Variants in OSBPL2 observed in about 807,000 individuals in gnomAD.
The protein encoded by OSBPL2 is oxysterol-binding protein-related protein 2.
In OSBPL2, 18 loss-of-function variants were observed where a neutral mutation model predicts 58.4. That is an observed-to-expected ratio of 0.31 (90% confidence interval 0.21 to 0.46). The LOEUF (loss-of-function observed/expected upper bound fraction) is 0.46, where lower values mean the gene tolerates loss of function less well. Ranked by LOEUF, OSBPL2 falls within the 20% of genes least tolerant of loss-of-function variation. The pLI, the probability that OSBPL2 is intolerant of heterozygous loss-of-function variation, is 1.00. For synonymous variants in OSBPL2, 221 were observed against 234.1 expected (o/e 0.94, Z 0.51); for missense variants, 461 against 616.5 (o/e 0.75, Z 2.67).
In OSBPL2 at chr20:62,284,038, A is replaced by C. The variant is rs779104381; in HGVS notation, c.873-8A>C. 6.2e-7 allele frequency: 1 copy of C among 1,608,882 alleles called. No individual in the cohort carries two copies. The highest frequency in any genetic ancestry group is 8.5e-7 in the Non-Finnish European group (1 of 1,176,418). On this transcript the variant is annotated splice_region_variant and splice_polypyrimidine_tract_variant and intron_variant, in intron 9 of 13. Coordinates refer to ENST00000313733, the MANE Select transcript of OSBPL2 (RefSeq NM_144498.4). ...AGACTTGTCTTTAAAAATCCCATTT[A>C]ATTACAGCAAAAAGAAGCTCTTTAT... is the stretch of plus-strand genomic sequence containing the variant.
Position 62,284,064 on chromosome 20 carries a change from G to T in OSBPL2, c.891G>T (p.Met297Ile). 6.2e-7 allele frequency: 1 copy of T among 1,613,602 alleles called. No individual in the cohort carries two copies. Among genetic ancestry groups the T allele is most frequent in the Non-Finnish European group, 8.5e-7 (1 of 1,179,712 alleles). The stretch of plus-strand genomic sequence containing the variant: ...ATTACAGCAAAAAGAAGCTCTTTAT[G>T]ATCTATGGCAAATGGACGGAATGTT... ...IQDKNKKKLF[M>I]IYGKWTECLW... The change falls in exon 10 of 14, where the codon ATG becomes ATT. Residue 297 changes from methionine (M) to isoleucine (I), a missense_variant. Met to Ile is a conservative substitution (Grantham distance 10). Around this residue, in one of 5 missense-constraint regions of OSBPL2, gnomAD observed 319 missense variants for 419.2 expected, o/e 0.76. Transcript: ENST00000313733.
At chr20:62,244,555 G>A (rs1018969731) in intron 1 of OSBPL2, among the ~76,000 whole-genome samples, 1 of 152,256 alleles carries the variant, frequency 6.6e-6, no homozygotes, top group Admixed American at 6.5e-5. Flanking sequence ...GGAGAAGGTT[G>A]ATTAAAACAC....
intron 1 of OSBPL2, among the ~76,000 whole-genome samples, chr20:62,239,507 G>A (rs1248307166): frequency 2.0e-5 from 3 of 152,168 alleles, no homozygotes; most frequent in African/African-American, 7.2e-5. Flanking sequence ...TATCTGAACC[G>A]TCCTCTAGGA....
In OSBPL2 at chr20:62,288,575, A is replaced by G. The variant is rs1253935738; in HGVS notation, c.1126-632A>G. Reference sequence around the variant, plus strand: ...TGCAGAGGCCGGAGGCTGTGGGTGCAGAGGCTGGGAGGCTGTGGGTGCAGA... The same window carrying G: ...TGCAGAGGCCGGAGGCTGTGGGTGCGGAGGCTGGGAGGCTGTGGGTGCAGA... On this transcript the variant is annotated intron_variant, in intron 11 of 13. Coordinates refer to ENST00000313733, the MANE Select transcript of OSBPL2 (RefSeq NM_144498.4). This position sits in a 1 kb window ranked among gnomAD's most constrained non-coding sequence, Gnocchi z 4.8. Among the ~76,000 whole-genome samples the G allele has an allele frequency of 1.3e-5, 2 of 150,214 alleles. No individual in the cohort carries two copies. Among genetic ancestry groups the G allele is most frequent in the Non-Finnish European group, 1.5e-5 (1 of 67,644 alleles).
At chr20:62,280,672 C>T (rs1982722639) in intron 7 of OSBPL2, among the ~76,000 whole-genome samples, 1 of 152,178 alleles carries the variant, frequency 6.6e-6, no homozygotes. Flanking sequence ...ACCCTGCACC[C>T]CTCCACAGCC....
chr20:62,260,013 T>G lies in OSBPL2; in HGVS notation c.70T>G (p.Ser24Ala). ...TTCTGATAACTCTTCTGGGGAATTT[T>G]CAGAGGCAAATCAGAAAGTCACGGG... ...FDSDNSSGEF[S>A]EANQKVTGMI... Residue 24 changes from serine (S) to alanine (A), a missense_variant, in exon 3 of 14, where the codon TCA (serine) becomes GCA (alanine). By Grantham distance (99) the Ser-to-Ala change is moderately conservative. Coordinates refer to ENST00000313733, the MANE Select transcript of OSBPL2 (RefSeq NM_144498.4). 1 of 1,614,108 alleles carries G rather than the reference T, an allele frequency of 6.2e-7. No homozygotes were observed. The highest frequency in any genetic ancestry group is 1.1e-5 in the South Asian group (1 of 91,072).
At chr20:62,279,950 C>A (rs188113901) in intron 7 of OSBPL2, 1 of 1,303,488 alleles carries the variant, frequency 7.7e-7, no homozygotes, top group East Asian at 5.6e-5. Context: ...GGGAGGGGAC[C>A]CTCTGAGAGG....
rs926811314 is a variant in OSBPL2, at chr20:62,288,134, T to C, written c.1126-1073T>C. The stretch of plus-strand genomic sequence containing the variant: ...GTGAGGGCCCAGGGGGCCATGGGGA[T>C]GAGGGTGGAGGGGGTGCAGGGGTCT... On this transcript the variant is annotated intron_variant, in intron 11 of 13. Coordinates refer to ENST00000313733, the MANE Select transcript of OSBPL2 (RefSeq NM_144498.4). This position sits in a 1 kb window ranked among gnomAD's most constrained non-coding sequence, Gnocchi z 4.8. 3.3e-5 allele frequency among the ~76,000 whole-genome samples: 5 copies of C among 151,946 alleles called. No individual in the cohort carries two copies. Among genetic ancestry groups the C allele is most frequent in the Non-Finnish European group, 7.4e-5 (5 of 67,978 alleles).
At position 62,269,136 on chromosome 20, in the gene OSBPL2, A is replaced by G. The variant is rs1442987219; in HGVS notation, c.259-2989A>G. Among the ~76,000 whole-genome samples the G allele has an allele frequency of 6.6e-6, 1 of 152,138 alleles. No homozygotes were observed. Among genetic ancestry groups the G allele is most frequent in the Non-Finnish European group, 1.5e-5 (1 of 68,018 alleles). On this transcript the variant is annotated intron_variant, in intron 4 of 13. Transcript: ENST00000313733. The surrounding 1 kb of genome is among the most constrained non-coding windows in gnomAD (Gnocchi z 4.2). ...GGCTGGTCTTAAACTCCTGGCCTTAAGTGATCCTCCCCGCCTTGGCCCTGC... is the reference window on the plus strand; with the variant it reads ...GGCTGGTCTTAAACTCCTGGCCTTAGGTGATCCTCCCCGCCTTGGCCCTGC...
At chr20:62,272,060 G>A (rs919228374) in intron 4 of OSBPL2, 65 bp from the exon 5 acceptor site, 50 of 1,585,692 alleles carry the variant, frequency 3.2e-5, no homozygotes, top group Non-Finnish European at 4.0e-5. Flanking sequence ...CAGAGCAGGG[G>A]CATCGGGCAG....
At chr20:62,249,441 A>G (rs369193149) in intron 1 of OSBPL2, among the ~76,000 whole-genome samples, 32 of 152,384 alleles carry the variant, frequency 2.1e-4, no homozygotes, top group African/African-American at 6.7e-4. Flanking sequence ...TGCGCGTGGA[A>G]GAACATATTC....
chr20:62,267,213 C>T (rs1981737776), intron 4 of OSBPL2, among the ~76,000 whole-genome samples: 1 of 152,216 alleles, frequency 6.6e-6, no homozygotes. Flanking sequence ...TTACTACACT[C>T]CAGCCTGGGT....
At chr20:62,281,274 G>C (rs1044756474) in intron 8 of OSBPL2, 109 bp downstream of exon 8, 15 of 743,400 alleles carry the variant, frequency 2.0e-5, no homozygotes, top group Middle Eastern at 3.8e-4. Context: ...AGCCTCACGA[G>C]CTGCTGCCGT....
intron 1 of OSBPL2, among the ~76,000 whole-genome samples, chr20:62,244,180 C>T (rs761092799): frequency 6.6e-6 from 1 of 152,222 alleles, no homozygotes; most frequent in African/African-American, 2.4e-5. Flanking sequence ...GGACAACAGC[C>T]TCTCACCTGG....
chr20:62,262,973 C>T (rs1981414309), intron 3 of OSBPL2, among the ~76,000 whole-genome samples: 1 of 152,176 alleles, frequency 6.6e-6, no homozygotes, highest in Non-Finnish European at 1.5e-5. Context: ...TGTCTCCATT[C>T]AGGCGCTCCC....
At chr20:62,273,509 T>C (rs1404563026) in intron 6 of OSBPL2, 103 bp downstream of exon 6, 6 of 938,594 alleles carry the variant, frequency 6.4e-6, no homozygotes, top group Non-Finnish European at 4.9e-6. Context: ...GCTCTGAGAA[T>C]AAACTGTTTG....
intron 7 of OSBPL2, among the ~76,000 whole-genome samples, chr20:62,280,490 A>C (rs1291838754): frequency 6.6e-6 from 1 of 152,246 alleles, no homozygotes; most frequent in Admixed American, 6.5e-5. Flanking sequence ...ACGTGTGGCA[A>C]AATACCCTGC....
intron 3 of OSBPL2, among the ~76,000 whole-genome samples, chr20:62,260,471 A>G (rs1048895460): frequency 2.0e-5 from 3 of 152,194 alleles, no homozygotes; most frequent in African/African-American, 7.2e-5. Context: ...CGTCTTGATC[A>G]TCAGACCCCT....
chr20:62,292,490 G>A (rs952495834), intron 13 of OSBPL2, among the ~76,000 whole-genome samples: 2 of 152,230 alleles, frequency 1.3e-5, no homozygotes, highest in African/African-American at 4.8e-5. Context: ...GCTGGGACAT[G>A]ATTCCTGTTT....
Sources: allele counts gnomAD v4.1 joint callset (sites outside exome capture counted in the v4.1 genomes callset), GRCh38; gene constraint gnomAD v4.1.1; regional missense constraint gnomAD v4.1.1; non-coding constraint Gnocchi (gnomAD v3.1); transcripts MANE v1.5; gene names NCBI Gene and HGNC (gene_info 2026-07-23, HGNC 2026-07-21).